Variants in IQCE observed in about 807,000 individuals in gnomAD.
IQCE encodes the protein IQ motif containing E.
In IQCE, 115 loss-of-function variants were observed where a neutral mutation model predicts 96.0. The observed-to-expected ratio is 1.20, with a 90% CI of 1.03 to 1.40. IQCE has a LOEUF of 1.40. Among genes scored for constraint, IQCE ranks in the 40% most tolerant of loss-of-function variants. The pLI is 0.00. For missense variants in IQCE, 1,041 were observed against 909.1 expected (o/e 1.15, Z -1.87); for synonymous variants, 412 against 371.2 (o/e 1.11, Z -1.26).
intron 6 of IQCE, among the ~76,000 whole-genome samples, chr7:2,576,651 G>A (rs1333593869): frequency 2.0e-5 from 3 of 151,918 alleles, no homozygotes; most frequent in South Asian, 4.1e-4. Context: ...CACCCACCTC[G>A]GCCTCTTAAA....
At position 2,601,474 on chromosome 7, in the gene IQCE, G is replaced by A; in HGVS notation, c.1632+10G>A. The A allele has an allele frequency of 6.3e-7, 1 of 1,581,312 alleles. No individual in the cohort carries two copies. Reference sequence around the variant, plus strand: ...GGCTGTTCTGGATGAGGTAAGCGAGGTTTATTTCTTGTTTCAAAATTCGGA... The same window carrying A: ...GGCTGTTCTGGATGAGGTAAGCGAGATTTATTTCTTGTTTCAAAATTCGGA... On this transcript the variant is annotated intron_variant, in intron 18 of 21. Transcript: ENST00000402050.
At position 2,598,589 on chromosome 7, in the gene IQCE, C is replaced by A; in HGVS notation, c.1565C>A (p.Ala522Glu). The A allele has an allele frequency of 6.2e-7, 1 of 1,600,788 alleles. No individual in the cohort carries two copies. The highest frequency in any genetic ancestry group is 8.5e-7 in the Non-Finnish European group (1 of 1,174,066). ...SPCSDGRRDA[A>E]ARVLQAQWKV... ...TGCTCTGATGGGAGAAGAGACGCCG[C>A]GGCCAGAGTCCTGCAGGCCCAGTGG... Residue 522 changes from alanine to glutamate, a missense_variant, in exon 17 of 22, where the codon GCG becomes GAG. Physicochemically the swap from Ala to Glu is moderately radical, Grantham distance 107 (BLOSUM62 -1). Coordinates refer to ENST00000402050, the MANE Select transcript of IQCE (RefSeq NM_152558.5).
At chr7:2,562,004 C>T (rs1375481000) in intron 1 of IQCE, among the ~76,000 whole-genome samples, 1 of 152,146 alleles carries the variant, frequency 6.6e-6, no homozygotes, top group Non-Finnish European at 1.5e-5. Context: ...TTCCGTCTTC[C>T]TCTGTTAAAT....
Position 2,606,064 on chromosome 7 carries a change from C to T in IQCE, c.1865+67C>T, listed in dbSNP as rs531821596. The T allele has an allele frequency of 6.6e-5, 101 of 1,522,936 alleles. No homozygotes were observed. In the South Asian group the frequency reaches 6.9e-4, roughly 10 times the overall value. 94.3% of individuals were successfully genotyped at this position (1,522,936 alleles called of 1,614,324 possible). A position where few individuals can be genotyped will look rare whatever the true frequency, so the allele number is the denominator to read the frequency against. ...GAGAGGCTGCCCACCGCACTGGGCC[C>T]GGAGCACTGGGTGCAGGGCATGTGG... is the stretch of plus-strand genomic sequence containing the variant. On this transcript the variant is annotated intron_variant, in intron 20 of 21. Transcript: ENST00000402050.
chr7:2,595,601 G>C (rs937824336), intron 16 of IQCE, among the ~76,000 whole-genome samples: 2 of 152,208 alleles, frequency 1.3e-5, no homozygotes, highest in Non-Finnish European at 2.9e-5. Flanking sequence ...CTGTGGCTCC[G>C]AGGTCCCTGG....
chr7:2,590,799 ATC>A (rs1562658301), intron 14 of IQCE, among the ~76,000 whole-genome samples: 2 of 151,806 alleles, frequency 1.3e-5, no homozygotes, highest in African/African-American at 4.8e-5. Context: ...GCACATTTAA[ATC>A]TCTCTACCCT....
intron 16 of IQCE, among the ~76,000 whole-genome samples, chr7:2,597,557 C>T (rs1784138456): frequency 6.6e-6 from 1 of 152,270 alleles, no homozygotes; most frequent in South Asian, 2.1e-4. Context: ...CTTTCAGCAA[C>T]AGCGTGCTCT....
chr7:2,577,408 C>T (rs12700081), intron 6 of IQCE, among the ~76,000 whole-genome samples: 36,507 of 105,330 alleles, frequency 0.35, 8,373 homozygotes, highest in Non-Finnish European at 0.4. Context: ...TGGCTGTGCG[C>T]GCGGGGACGT....
At chr7:2,595,043 C>G (rs897041736) in intron 16 of IQCE, 67 bp downstream of exon 16, 2 of 1,113,702 alleles carry the variant, frequency 1.8e-6, no homozygotes, top group Non-Finnish European at 2.8e-6. Context: ...CGGTTCTGAC[C>G]GTTTCCCTGT....
At chr7:2,594,226 C>G (rs1029663118) in intron 15 of IQCE, among the ~76,000 whole-genome samples, 1 of 152,166 alleles carries the variant, frequency 6.6e-6, no homozygotes, top group African/African-American at 2.4e-5. Flanking sequence ...TGCCACTGTC[C>G]TCTATCCTGG....
chr7:2,564,452 A>G (rs1260250516), intron 1 of IQCE, among the ~76,000 whole-genome samples: 1 of 151,054 alleles, frequency 6.6e-6, no homozygotes, highest in African/African-American at 2.4e-5. Context: ...TACAACAATT[A>G]TCCGGGCGTG....
At position 2,614,047 on chromosome 7, in the gene IQCE, A is replaced by G. The variant is rs567494452; in HGVS notation, c.*3885A>G. The G allele has an allele frequency of 6.6e-6, 1 of 152,232 alleles. No homozygotes were observed. Among genetic ancestry groups the G allele is most frequent in the African/African-American group, 2.4e-5 (1 of 41,448 alleles). The allele number at this position is 152,232 out of a possible 1,614,324, so 9.4% of individuals were successfully genotyped here. A position where few individuals can be genotyped will look rare whatever the true frequency, so the allele number is the denominator to read the frequency against. ...GCGCTGGCTGTGGTCTGTCTGCTGA[A>G]TGTCTATTTTTGTCTCCTGACGAGA... On this transcript the variant is annotated 3_prime_UTR_variant, in exon 22 of 22. Transcript: ENST00000402050.
chr7:2,598,904 C>T lies in IQCE; in HGVS notation c.1608+272C>T, dbSNP rs539745109. Among the ~76,000 whole-genome samples, 12 of 152,362 alleles carry T rather than the reference C, an allele frequency of 7.9e-5. No homozygotes were observed. In the South Asian group the frequency reaches 2.1e-3, roughly 26 times the overall value. On this transcript the variant is annotated intron_variant, in intron 17 of 21. Coordinates refer to ENST00000402050, the MANE Select transcript of IQCE (RefSeq NM_152558.5). ...GTAAGTTTTAGACGTTATGAAACAT[C>T]GGCATGTATCTTCTAAGAAAAAGTG...
intron 1 of IQCE, among the ~76,000 whole-genome samples, chr7:2,564,619 T>C (rs1023415978): frequency 3.3e-5 from 5 of 151,980 alleles, no homozygotes; most frequent in African/African-American, 1.2e-4. Context: ...AATCTATACA[T>C]TTGTGAATTC....
intron 13 of IQCE, 65 bp downstream of exon 13, chr7:2,587,942 C>T (rs1783253324): frequency 6.1e-6 from 9 of 1,477,674 alleles, no homozygotes; most frequent in Non-Finnish European, 8.5e-6. Context: ...GGGACGGGCT[C>T]ACAGGGTGCG....
At chr7:2,582,676 C>T (rs1356236369) in intron 9 of IQCE, 26 bp downstream of exon 9, 7 of 1,602,582 alleles carry the variant, frequency 4.4e-6, no homozygotes, top group Middle Eastern at 3.3e-4. Context: ...CACCCTCTCC[C>T]CTGCCTTCCG....
intron 1 of IQCE, among the ~76,000 whole-genome samples, chr7:2,564,747 A>G (rs976483252): frequency 5.3e-5 from 8 of 152,136 alleles, no homozygotes; most frequent in African/African-American, 1.7e-4. Flanking sequence ...TTTAATGTAC[A>G]CTTGAGTAGA....
chr7:2,571,492 C>T lies in IQCE; in HGVS notation c.131-34C>T, dbSNP rs186430245. The stretch of plus-strand genomic sequence containing the variant: ...TGTGTTGAGCTCACATGTTGCTGTC[C>T]GGCACCTCTGAATCCACGTGTTGGC... On this transcript the variant is annotated intron_variant, in intron 3 of 21. Coordinates refer to ENST00000402050, the MANE Select transcript of IQCE (RefSeq NM_152558.5). The T allele has an allele frequency of 1.5e-4, 237 of 1,603,652 alleles. 1 individual carries two copies. In the South Asian group the frequency reaches 2.0e-3, roughly 14 times the overall value.
intron 14 of IQCE, 148 bp from the exon 15 acceptor site, chr7:2,592,874 T>G: frequency 2.6e-6 from 2 of 782,060 alleles, no homozygotes; most frequent in Non-Finnish European, 4.0e-6. Flanking sequence ...CAATGTGTGA[T>G]TAGAAATGGG....
Sources: gnomAD v4.1 joint callset for allele counts (sites outside exome capture counted in the v4.1 genomes callset) on GRCh38, gnomAD v4.1.1 for gene constraint, MANE v1.5 for transcripts, NCBI Gene and HGNC (gene_info 2026-07-23, HGNC 2026-07-21) for gene names.